Variants in MECOM observed in about 807,000 individuals in gnomAD.
The protein encoded by MECOM is MDS1 and EVI1 complex locus.
A neutral mutation model predicts 116.3 loss-of-function variants in MECOM; 13 were observed. The observed-to-expected ratio is 0.11, with a 90% CI of 0.07 to 0.18. The LOEUF (loss-of-function observed/expected upper bound fraction) is 0.18. Among genes scored for constraint, MECOM ranks in the 10% least tolerant of loss-of-function variants. The probability of loss-of-function intolerance (pLI) is 1.00; values close to 1 mark genes in which losing one functional copy is unlikely to be tolerated. For synonymous variants in MECOM, 528 were observed against 535.2 expected (o/e 0.99, Z 0.19); for missense variants, 1,299 against 1,509.0 (o/e 0.86, Z 2.31).
intron 2 of MECOM, among the ~76,000 whole-genome samples, chr3:169,249,535 C>T (rs13076441): frequency 0.096 from 14,609 of 152,130 alleles, 933 homozygotes; most frequent in Non-Finnish European, 0.14. Context: ...TGCTGAGAGT[C>T]GAGAAGTTAG....
intron 2 of MECOM, among the ~76,000 whole-genome samples, chr3:169,302,089 A>G (rs575886235): frequency 1.3e-5 from 2 of 152,322 alleles, no homozygotes; most frequent in East Asian, 3.9e-4. Context: ...GAGTTCCACT[A>G]CCTTGCCTTT....
At chr3:169,325,653 A>G (rs1721709632) in intron 2 of MECOM, among the ~76,000 whole-genome samples, 1 of 152,204 alleles carries the variant, frequency 6.6e-6, no homozygotes. Flanking sequence ...AACATATACA[A>G]TCTTCTGACG....
intron 1 of MECOM, among the ~76,000 whole-genome samples, chr3:169,423,659 G>A (rs998628108): frequency 6.6e-6 from 1 of 152,010 alleles, no homozygotes; most frequent in Non-Finnish European, 1.5e-5. Context: ...CTAATAAGAT[G>A]CCTTATTAAT....
At chr3:169,146,526 G>T (rs1372256374) in intron 2 of MECOM, 6 of 1,378,864 alleles carry the variant, frequency 4.4e-6, no homozygotes, top group Admixed American at 1.9e-5. Flanking sequence ...GCACCGTTTC[G>T]CAGGAGGAAC....
chr3:169,625,588 A>T (rs1007700933), intron 1 of MECOM, among the ~76,000 whole-genome samples: 3 of 152,204 alleles, frequency 2.0e-5, no homozygotes, highest in Admixed American at 2.0e-4. Context: ...ATAAATAATA[A>T]ATCAGAAAAA....
intron 1 of MECOM, among the ~76,000 whole-genome samples, chr3:169,583,503 A>C (rs1765366304): frequency 6.6e-6 from 1 of 152,034 alleles, no homozygotes; most frequent in African/African-American, 2.4e-5. Context: ...TTCCTGTAGA[A>C]CTGCCCATCA....
intron 1 of MECOM, among the ~76,000 whole-genome samples, chr3:169,612,483 T>C (rs1350550267): frequency 6.6e-6 from 1 of 152,156 alleles, no homozygotes; most frequent in East Asian, 1.9e-4. Flanking sequence ...TTTTGTCTTG[T>C]TTTTTCTTTT....
intron 1 of MECOM, among the ~76,000 whole-genome samples, chr3:169,630,531 C>A (rs1771960181): frequency 6.6e-6 from 1 of 151,724 alleles, no homozygotes; most frequent in African/African-American, 2.4e-5. Flanking sequence ...CAGCTCACTA[C>A]AGCCTCAAAT....
chr3:169,387,661 A>T, intron 1 of MECOM, among the ~76,000 whole-genome samples: 1 of 152,314 alleles, frequency 6.6e-6, no homozygotes, highest in Admixed American at 6.5e-5. Flanking sequence ...GTAGTTATTA[A>T]GAAGTTAATT....
chr3:169,280,529 G>C (rs1443570367), intron 2 of MECOM, among the ~76,000 whole-genome samples: 1 of 152,130 alleles, frequency 6.6e-6, no homozygotes, highest in Non-Finnish European at 1.5e-5. Flanking sequence ...GGAAGCAAAA[G>C]AGCAAGCACA....
intron 1 of MECOM, among the ~76,000 whole-genome samples, chr3:169,450,292 C>A (rs1485125266): frequency 6.6e-6 from 1 of 152,112 alleles, no homozygotes; most frequent in Admixed American, 6.5e-5. Flanking sequence ...GTACTTTAAA[C>A]ACACAGCACC....
chr3:169,276,333 C>T (rs987987570), intron 2 of MECOM, among the ~76,000 whole-genome samples: 1 of 152,090 alleles, frequency 6.6e-6, no homozygotes, highest in African/African-American at 2.4e-5. Flanking sequence ...AGGAGGATCA[C>T]CTGAGATCAG....
chr3:169,468,620 A>C (rs935294218), intron 1 of MECOM, among the ~76,000 whole-genome samples: 4 of 152,334 alleles, frequency 2.6e-5, no homozygotes, highest in East Asian at 3.9e-4. Context: ...TTGCTTCTCA[A>C]TGTCATTGTT....
chr3:169,518,218 C>G (rs1392604513), intron 1 of MECOM, among the ~76,000 whole-genome samples: 2 of 151,230 alleles, frequency 1.3e-5, no homozygotes, highest in South Asian at 2.1e-4. Flanking sequence ...GAGATCGCAC[C>G]ACTGCACTCC....
At chr3:169,359,957 A>T (rs376191667) in intron 2 of MECOM, among the ~76,000 whole-genome samples, 1 of 151,728 alleles carries the variant, frequency 6.6e-6, no homozygotes, top group Non-Finnish European at 1.5e-5. Context: ...AGACATTAAC[A>T]TTCAGTCTTA....
intron 9 of MECOM, among the ~76,000 whole-genome samples, chr3:169,112,118 T>C (rs1453992712): frequency 6.6e-6 from 1 of 152,140 alleles, no homozygotes; most frequent in East Asian, 1.9e-4. Context: ...TTCCACATGG[T>C]GGAAAATATG....
chr3:169,426,866 T>C (rs1740789170), intron 1 of MECOM, among the ~76,000 whole-genome samples: 1 of 152,238 alleles, frequency 6.6e-6, no homozygotes, highest in African/African-American at 2.4e-5. Context: ...AGGAAGAGAC[T>C]GCATTTAATG....
intron 2 of MECOM, among the ~76,000 whole-genome samples, chr3:169,255,089 A>G (rs528083028): frequency 1.3e-5 from 2 of 152,224 alleles, no homozygotes; most frequent in Non-Finnish European, 2.9e-5. Flanking sequence ...TCAGGTTTAG[A>G]TAATTTGCCC....
chr3:169,520,466 A>G (rs1578330570), intron 1 of MECOM, among the ~76,000 whole-genome samples: 2 of 152,148 alleles, frequency 1.3e-5, no homozygotes, highest in Non-Finnish European at 2.9e-5. Context: ...CTAAGCTCCA[A>G]TGTCCTCACA....
Sources: allele counts gnomAD v4.1 joint callset (sites outside exome capture counted in the v4.1 genomes callset), GRCh38; gene constraint gnomAD v4.1.1; transcripts MANE v1.5; gene names NCBI Gene and HGNC (gene_info 2026-07-23, HGNC 2026-07-21).